The following USF1 variants were observed in gnomAD, a reference collection of about 807,000 sequenced individuals.
USF1 encodes the protein upstream stimulatory factor 1.
A neutral mutation model predicts 46.3 loss-of-function variants in USF1; 22 were observed. That is an observed-to-expected ratio of 0.47 (90% CI 0.34 to 0.68). USF1 has a LOEUF of 0.68. USF1 is among the 30% of genes least tolerant of loss of function. The pLI, the probability that USF1 is intolerant of heterozygous loss-of-function variation, is 0.01. For synonymous variants in USF1, 150 were observed against 147.0 expected (o/e 1.02, Z -0.15); for missense variants, 287 against 399.3 (o/e 0.72, Z 2.40).
chr1:161,040,432 G>T lies in USF1; in HGVS notation c.715-102C>A. On this transcript the variant is annotated intron_variant, in intron 9 of 10. Coordinates refer to ENST00000368021, the MANE Select transcript of USF1 (RefSeq NM_007122.5). This position sits in a 1 kb window ranked among gnomAD's most constrained non-coding sequence, Gnocchi z 4.0. ...TGGACCTCATTTTCATCTAAGGAAG[G>T]TGGTATAATATCTCCCAGGGATACA... is the stretch of plus-strand genomic sequence containing the variant. 7 of 1,579,278 alleles carry T rather than the reference G, an allele frequency of 4.4e-6. No homozygotes were observed. Among genetic ancestry groups the T allele is most frequent in the Non-Finnish European group, 6.0e-6 (7 of 1,160,028 alleles).
Position 161,040,281 on chromosome 1 carries a change from C to A in USF1, c.764G>T (p.Arg255Leu). 6.2e-7 allele frequency: 1 copy of A among 1,614,086 alleles called. No individual in the cohort carries two copies. Among genetic ancestry groups the A allele is most frequent in the Non-Finnish European group, 8.5e-7 (1 of 1,180,022 alleles). ...TTCAGACAAGCGGTGGTTACTCTGC[C>A]GAAGCTCCTGGATATAATCACAAGC... is the stretch of plus-strand genomic sequence containing the variant. ...SKACDYIQEL[R>L]QSNHRLSEEL... The change falls in exon 10 of 11, where the codon CGG becomes CTG. Residue 255 changes from arginine to leucine, a missense_variant. Arg to Leu is a moderately radical substitution (Grantham distance 102). Transcript: ENST00000368021. This position sits in a 1 kb window ranked among gnomAD's most constrained non-coding sequence, Gnocchi z 4.0.
rs1650412701 is a variant in USF1 at position 161,039,310 on chromosome 1, A to G, written c.*610T>C. 1 of 168,338 alleles carries G rather than the reference A, an allele frequency of 5.9e-6. No individual in the cohort carries two copies. The highest frequency in any genetic ancestry group is 2.4e-5 in the African/African-American group (1 of 41,852). The allele number at this position is 168,338 out of a possible 1,614,324, so 10.4% of individuals were successfully genotyped here. ...AAAAAAAAAAAAAAAAGAAAAGAAAAAAAAAAAACGACCCCCACAAGGGGG... is the reference window on the plus strand; with the variant it reads ...AAAAAAAAAAAAAAAAGAAAAGAAAGAAAAAAAACGACCCCCACAAGGGGG... On this transcript the variant is annotated 3_prime_UTR_variant, in exon 11 of 11. Coordinates refer to ENST00000368021, the MANE Select transcript of USF1 (RefSeq NM_007122.5).
chr1:161,040,373 A>G lies in USF1; in HGVS notation c.715-43T>C. ...CAAAATGAGAACTAGGATTTCAGAT[A>G]CCCAGCTTGCTTTCCAAAAGTAGGT... On this transcript the variant is annotated intron_variant, in intron 9 of 10. Transcript: ENST00000368021. This position sits in a 1 kb window ranked among gnomAD's most constrained non-coding sequence, Gnocchi z 4.0. 1.2e-6 allele frequency: 2 copies of G among 1,608,708 alleles called. No individual in the cohort carries two copies. Among genetic ancestry groups the G allele is most frequent in the Non-Finnish European group, 1.7e-6 (2 of 1,176,280 alleles).
intron 7 of USF1, among the ~76,000 whole-genome samples, 165 bp from the exon 8 acceptor site, chr1:161,041,037 G>A (rs550313303): frequency 6.6e-5 from 10 of 152,030 alleles, no homozygotes; most frequent in South Asian, 4.2e-4. Flanking sequence ...CGAGGCAGGC[G>A]GATCACTTGA....
At chr1:161,042,988 G>A in intron 2 of USF1, 106 bp from the exon 3 acceptor site, 2 of 1,507,164 alleles carry the variant, frequency 1.3e-6, no homozygotes, top group Non-Finnish European at 1.8e-6. Context: ...CCCAACAGAA[G>A]CTGGGTTAGG....
At chr1:161,045,611 C>G (rs753260624) in intron 1 of USF1, among the ~76,000 whole-genome samples, 2 of 152,168 alleles carry the variant, frequency 1.3e-5, no homozygotes, top group Admixed American at 6.5e-5. Flanking sequence ...CTCAAGCGCC[C>G]GGTGCCGGCG....
chr1:161,042,258 A>G (rs1414428612), intron 4 of USF1, 41 bp from the exon 5 acceptor site: 2 of 1,576,946 alleles, frequency 1.3e-6, no homozygotes, highest in Admixed American at 1.8e-5. Flanking sequence ...AAGAGAGAAG[A>G]AAAGATTAAG....
At chr1:161,043,126 T>TA in intron 2 of USF1, 142 bp downstream of exon 2, 4 of 1,468,188 alleles carry the variant, frequency 2.7e-6, no homozygotes, top group Non-Finnish European at 3.8e-6. Flanking sequence ...ATTTTATAGA[T>TA]AGAGAAACCA....
chr1:161,043,268 C>G lies in USF1; in HGVS notation c.8G>C (p.Gly3Ala), dbSNP rs1453794867. The G allele has an allele frequency of 6.2e-7, 1 of 1,614,064 alleles. No individual in the cohort carries two copies. Among genetic ancestry groups the G allele is most frequent in the Non-Finnish European group, 8.5e-7 (1 of 1,180,028 alleles). ...CAGACCCTACCTCTTCTTCACTCAC[C>G]CCTTCATCTCTCTGTGAGGGGGCAC... is the stretch of plus-strand genomic sequence containing the variant. MK[G>A]QQKTAETEEG... Residue 3 changes from glycine to alanine, a missense_variant and splice_region_variant, in exon 2 of 11, where the codon GGG (glycine) becomes GCG (alanine). Transcript: ENST00000368021.
intron 1 of USF1, among the ~76,000 whole-genome samples, chr1:161,043,731 C>A (rs1650678674): frequency 6.7e-6 from 1 of 149,098 alleles, no homozygotes; most frequent in Admixed American, 6.8e-5. Flanking sequence ...TCAAGTGATT[C>A]TCCTGCCTCA....
chr1:161,043,907 G>A (rs1271860202), intron 1 of USF1, among the ~76,000 whole-genome samples: 2 of 148,564 alleles, frequency 1.3e-5, no homozygotes, highest in Non-Finnish European at 3.0e-5. Context: ...TTACAGGTGT[G>A]AGCCACTGCA....
chr1:161,040,261 A>G lies in USF1; in HGVS notation c.784T>C (p.Ser262Pro). The change falls in exon 10 of 11, where the codon TCT becomes CCT. Residue 262 changes from serine to proline, a missense_variant. By Grantham distance (74) the Ser-to-Pro change is moderately conservative. Transcript: ENST00000368021. This position sits in a 1 kb window ranked among gnomAD's most constrained non-coding sequence, Gnocchi z 4.0. ...TGGTCAAGTCCCTGCAGTTCTTCAG[A>G]CAAGCGGTGGTTACTCTGCCGAAGC... is the stretch of plus-strand genomic sequence containing the variant. Reference protein sequence around the residue: ...QELRQSNHRLSEELQGLDQLQ... With the variant: ...QELRQSNHRLPEELQGLDQLQ... 1 of 1,614,208 alleles carries G rather than the reference A, an allele frequency of 6.2e-7. No individual in the cohort carries two copies. Among genetic ancestry groups the G allele is most frequent in the Non-Finnish European group, 8.5e-7 (1 of 1,180,034 alleles).
At chr1:161,045,348 C>G (rs573401476) in intron 1 of USF1, among the ~76,000 whole-genome samples, 1 of 152,264 alleles carries the variant, frequency 6.6e-6, no homozygotes, top group Admixed American at 6.5e-5. Flanking sequence ...CAGAAGGGCC[C>G]AGTAAGAGCC....
Position 161,039,676 on chromosome 1 carries a change from G to A in USF1, c.*244C>T. On this transcript the variant is annotated 3_prime_UTR_variant, in exon 11 of 11. Transcript: ENST00000368021. Reference sequence around the variant, plus strand: ...TGGAGACAGCACATGCATTGTGCGAGAGGAGCACAAGGGCCCAGGGGCTGC... The same window carrying A: ...TGGAGACAGCACATGCATTGTGCGAAAGGAGCACAAGGGCCCAGGGGCTGC... The A allele has an allele frequency of 3.7e-6, 2 of 545,690 alleles. No individual in the cohort carries two copies. Among genetic ancestry groups the A allele is most frequent in the Non-Finnish European group, 6.6e-6 (2 of 302,486 alleles). The allele number at this position is 545,690 out of a possible 1,614,324, so 33.8% of individuals were successfully genotyped here.
Position 161,042,191 on chromosome 1 carries a change from A to G in USF1, c.201T>C (p.Ser67=), listed in dbSNP as rs1650594608. ...GQVMYRVIQV[S]EGQLDGQTEG... ...CAGTTTGGCCATCCAGCTGCCCCTC[A>G]GACACCTGGATCACCCTGTACATCA... The change falls in exon 5 of 11, where the codon TCT becomes TCC. Residue 67 remains serine (S), a synonymous_variant. Coordinates refer to ENST00000368021, the MANE Select transcript of USF1 (RefSeq NM_007122.5). 2.5e-6 allele frequency: 4 copies of G among 1,614,034 alleles called. No homozygotes were observed. Among genetic ancestry groups the G allele is most frequent in the Admixed American group, 1.7e-5 (1 of 59,992 alleles).
chr1:161,042,749 G>A lies in USF1; in HGVS notation c.59-79C>T, dbSNP rs945624049. On this transcript the variant is annotated intron_variant, in intron 3 of 10. Transcript: ENST00000368021. ...GTTCCATTTGCATGTCACGGAAGGA[G>A]GAGGATGCACAGGAGATGGTCTGGT... 1.2e-5 allele frequency: 19 copies of A among 1,611,520 alleles called. No homozygotes were observed. In the Admixed American group the frequency reaches 3.0e-4, roughly 25 times the overall value.
intron 5 of USF1, 96 bp from the exon 6 acceptor site, chr1:161,041,942 G>T: frequency 7.2e-7 from 1 of 1,385,434 alleles, no homozygotes; most frequent in Non-Finnish European, 1.0e-6. Flanking sequence ...GTGGTAGGTA[G>T]GGTGGAGAGA....
chr1:161,040,930 G>A lies in USF1; in HGVS notation c.561-58C>T, dbSNP rs1054410569. On this transcript the variant is annotated intron_variant, in intron 7 of 10. Coordinates refer to ENST00000368021, the MANE Select transcript of USF1 (RefSeq NM_007122.5). The surrounding 1 kb of genome is among the most constrained non-coding windows in gnomAD (Gnocchi z 4.0). Reference sequence around the variant, plus strand: ...AAGACAAAATACATGATTGAAGTTTGGGGTTAAGGAATTATACAAGATTTA... The same window carrying A: ...AAGACAAAATACATGATTGAAGTTTAGGGTTAAGGAATTATACAAGATTTA... The A allele has an allele frequency of 1.9e-6, 3 of 1,608,696 alleles. No individual in the cohort carries two copies. The African/African-American group carries it at 4.0e-5, about 22-fold the overall frequency.
chr1:161,041,946 GGAGA>G (rs144100508), intron 5 of USF1, 100 bp from the exon 6 acceptor site: 4,903 of 1,175,034 alleles, frequency 4.2e-3, no homozygotes, highest in South Asian at 5.4e-3. Flanking sequence ...TAGGTAGGGT[GGAGA>G]GAGAGAGAGA....
Sources: allele counts gnomAD v4.1 joint callset (sites outside exome capture counted in the v4.1 genomes callset), GRCh38; gene constraint gnomAD v4.1.1; non-coding constraint Gnocchi (gnomAD v3.1); transcripts MANE v1.5; gene names NCBI Gene and HGNC (gene_info 2026-07-23, HGNC 2026-07-21).